CDCA2: variants seen among roughly 807,000 people sequenced by gnomAD.
The protein encoded by CDCA2 is cell division cycle associated 2, also known as cell division cycle-associated protein 2.
Under a neutral mutation model 67.0 loss-of-function variants are expected in CDCA2, and 44 were observed. The ratio of observed to expected loss-of-function variants is 0.66; its 90% CI spans 0.52 to 0.84. The LOEUF (loss-of-function observed/expected upper bound fraction) is 0.84, where lower values mean the gene tolerates loss of function less well. Ranked by LOEUF, CDCA2 falls within the 40% of genes least tolerant of loss-of-function variation. The probability of loss-of-function intolerance (pLI) is 0.00; values close to 1 mark genes in which losing one functional copy is unlikely to be tolerated. For synonymous variants in CDCA2, 447 were observed against 418.7 expected (o/e 1.07, Z -0.82); for missense variants, 1,253 against 1,203.2 (o/e 1.04, Z -0.61).
intron 7 of CDCA2, among the ~76,000 whole-genome samples, chr8:25,476,334 C>T (rs1803346810): frequency 6.6e-6 from 1 of 152,156 alleles, no homozygotes; most frequent in Non-Finnish European, 1.5e-5. Flanking sequence ...TCTTTATTTG[C>T]CAAACCTGGC....
At chr8:25,492,682 T>G (rs1035228474) in intron 13 of CDCA2, among the ~76,000 whole-genome samples, 2 of 152,220 alleles carry the variant, frequency 1.3e-5, no homozygotes, top group African/African-American at 4.8e-5. Context: ...GTATGAAAGC[T>G]GTACTTGGCA....
intron 8 of CDCA2, among the ~76,000 whole-genome samples, chr8:25,481,232 A>AC (rs555921378): frequency 0.092 from 4,644 of 50,372 alleles, 87 homozygotes; most frequent in Non-Finnish European, 0.15. Flanking sequence ...CCAGTCTGGG[A>AC]CAAAAAAAAA....
intron 3 of CDCA2, among the ~76,000 whole-genome samples, chr8:25,461,208 C>T (rs771236686): frequency 2.1e-4 from 30 of 143,980 alleles, no homozygotes; most frequent in African/African-American, 5.7e-4. Flanking sequence ...CAGAGGTTAC[C>T]GTGAGTCGAA....
chr8:25,475,953 A>G (rs1231487702), intron 7 of CDCA2, among the ~76,000 whole-genome samples: 2 of 152,208 alleles, frequency 1.3e-5, no homozygotes, highest in Admixed American at 6.5e-5. Flanking sequence ...GGGGAAGCCA[A>G]ACGTCTGCTT....
chr8:25,475,352 C>G (rs1803307426), intron 7 of CDCA2, among the ~76,000 whole-genome samples: 1 of 152,076 alleles, frequency 6.6e-6, no homozygotes, highest in South Asian at 2.1e-4. Context: ...AATCCCGGCT[C>G]TACTAAAAAT....
intron 4 of CDCA2, among the ~76,000 whole-genome samples, chr8:25,465,558 T>G (rs1454542969): frequency 6.6e-6 from 1 of 152,166 alleles, no homozygotes; most frequent in East Asian, 1.9e-4. Context: ...CCAGAGAGCT[T>G]CTGTGCTTAT....
Position 25,507,201 on chromosome 8 carries a change from A to G in CDCA2, c.2535A>G (p.Glu845=), listed in dbSNP as rs1804716477. 1 of 1,614,176 alleles carries G rather than the reference A, an allele frequency of 6.2e-7. No homozygotes were observed. Among genetic ancestry groups the G allele is most frequent in the East Asian group, 2.2e-5 (1 of 44,876 alleles). Residue 845 remains glutamate, a synonymous_variant, in exon 15 of 15, where the codon GAA becomes GAG. Transcript: ENST00000330560. ...CYSDGRSLHL[E]KNGNHTPSSS... ...CTGATGGTCGAAGTTTACATTTGGA[A>G]AAAAATGGAAATCACACACCATCCT...
intron 7 of CDCA2, 66 bp downstream of exon 7, chr8:25,470,046 T>G: frequency 8.9e-7 from 1 of 1,118,536 alleles, no homozygotes; most frequent in Non-Finnish European, 1.3e-6. Flanking sequence ...TTAGTGTACC[T>G]ATTTGCTAAA....
intron 13 of CDCA2, among the ~76,000 whole-genome samples, chr8:25,489,621 T>C (rs1020652890): frequency 6.6e-6 from 1 of 152,196 alleles, no homozygotes; most frequent in Non-Finnish European, 1.5e-5. Flanking sequence ...ACTTTGCCGC[T>C]TCACTTCATT....
chr8:25,507,886 A>G lies in CDCA2; in HGVS notation c.*148A>G. 1 of 651,384 alleles carries G rather than the reference A, an allele frequency of 1.5e-6. No homozygotes were observed. Among genetic ancestry groups the G allele is most frequent in the Non-Finnish European group, 2.3e-6 (1 of 435,018 alleles). The allele number at this position is 651,384 out of a possible 1,614,324, so 40.4% of individuals were successfully genotyped here. On this transcript the variant is annotated 3_prime_UTR_variant, in exon 15 of 15. Coordinates refer to ENST00000330560, the MANE Select transcript of CDCA2 (RefSeq NM_152562.4). ...TTGAGTTGAACCTACTTTTATGTAG[A>G]AATAAATAAGTTTCTTCATCATTCA...
At chr8:25,483,882 A>C in intron 9 of CDCA2, 84 bp from the exon 10 acceptor site, 1 of 1,165,190 alleles carries the variant, frequency 8.6e-7, no homozygotes. Context: ...GAATATTATC[A>C]CATTAAAAGA....
rs6990278 is a variant in CDCA2 at position 25,507,444 on chromosome 8, A to C, written c.2778A>C (p.Thr926=). ...SQKAKRRTIC[T]FDSSGFESMS... ...AAGCCAAAAGAAGAACAATATGTAC[A>C]TTTGACAGCAGTGGATTTGAAAGTA... Residue 926 remains threonine (T), a synonymous_variant, in exon 15 of 15, where the codon ACA becomes ACC. Coordinates refer to ENST00000330560, the MANE Select transcript of CDCA2 (RefSeq NM_152562.4). The C allele has an allele frequency of 1.9e-5, 30 of 1,613,988 alleles. No homozygotes were observed. Among genetic ancestry groups the C allele is most frequent in the South Asian group, 1.1e-5 (1 of 91,064 alleles).
chr8:25,499,524 G>A (rs1325610759), intron 13 of CDCA2, among the ~76,000 whole-genome samples: 1 of 151,760 alleles, frequency 6.6e-6, no homozygotes, highest in Non-Finnish European at 1.5e-5. Context: ...GGCTTGTCTC[G>A]AATTCCTGAG....
intron 10 of CDCA2, among the ~76,000 whole-genome samples, chr8:25,484,580 G>C (rs1460402354): frequency 6.8e-6 from 1 of 146,976 alleles, no homozygotes; most frequent in African/African-American, 2.6e-5. Context: ...AAAACTCTAG[G>C]TATAGATGAT....
chr8:25,501,549 C>CT (rs1238477296), intron 13 of CDCA2, among the ~76,000 whole-genome samples: 1 of 152,254 alleles, frequency 6.6e-6, no homozygotes, highest in East Asian at 1.9e-4. Flanking sequence ...TGCTGTCTCA[C>CT]TTTGAGTTCA....
chr8:25,465,748 G>A (rs1802872829), intron 4 of CDCA2, among the ~76,000 whole-genome samples: 1 of 152,200 alleles, frequency 6.6e-6, no homozygotes, highest in Non-Finnish European at 1.5e-5. Context: ...GGGCTGGAGG[G>A]CATGTGTAGA....
intron 4 of CDCA2, among the ~76,000 whole-genome samples, chr8:25,465,950 T>C (rs1802882787): frequency 6.6e-6 from 1 of 152,212 alleles, no homozygotes; most frequent in Non-Finnish European, 1.5e-5. Flanking sequence ...GCACCTTCCA[T>C]ATAATCTTAG....
In CDCA2 at chr8:25,507,045, A is replaced by G. The variant is rs1804709903; in HGVS notation, c.2379A>G (p.Leu793=). 1 of 1,614,046 alleles carries G rather than the reference A, an allele frequency of 6.2e-7. No individual in the cohort carries two copies. Among genetic ancestry groups the G allele is most frequent in the Non-Finnish European group, 8.5e-7 (1 of 1,179,984 alleles). The change falls in exon 15 of 15, where the codon TTA becomes TTG. Residue 793 remains leucine, a synonymous_variant. Coordinates refer to ENST00000330560, the MANE Select transcript of CDCA2 (RefSeq NM_152562.4). ...MPNSQKDCHC[L]GDVLIENTKE... is the part of the protein sequence containing the mutation. ...ATTCACAAAAAGACTGTCATTGTTT[A>G]GGAGATGTCTTAATTGAAAATACGA...
At chr8:25,505,236 C>G (rs951454244) in intron 14 of CDCA2, among the ~76,000 whole-genome samples, 3 of 152,126 alleles carry the variant, frequency 2.0e-5, no homozygotes, top group African/African-American at 7.2e-5. Context: ...GAGTCTCACT[C>G]TGTCGCCCAG....
Sources: allele counts gnomAD v4.1 joint callset (sites outside exome capture counted in the v4.1 genomes callset), GRCh38; gene constraint gnomAD v4.1.1; transcripts MANE v1.5; gene names NCBI Gene and HGNC (gene_info 2026-07-23, HGNC 2026-07-21).